The following SKAP1 variants were observed in gnomAD, a reference collection of about 807,000 sequenced individuals.
SKAP1 encodes the protein src kinase associated phosphoprotein 1.
SKAP1 carries 44 observed loss-of-function variants against 58.5 expected under a neutral mutation model. That is an observed-to-expected ratio of 0.75 (90% CI 0.59 to 0.97). The LOEUF is 0.97. Ranked by LOEUF, SKAP1 falls within the 50% of genes least tolerant of loss-of-function variation. The pLI, the probability that SKAP1 is intolerant of heterozygous loss-of-function variation, is 0.00. For synonymous variants in SKAP1, 127 were observed against 149.7 expected, an observed-to-expected ratio of 0.85 and a Z score of 1.11; for missense variants, 390 against 435.2, an observed-to-expected ratio of 0.90 and a Z score of 0.92.
At chr17:48,278,892 C>T (rs1445771978) in intron 4 of SKAP1, among the ~76,000 whole-genome samples, 3 of 152,086 alleles carry the variant, frequency 2.0e-5, no homozygotes, top group African/African-American at 7.2e-5. Flanking sequence ...TCCTATCCTC[C>T]CCTCTTACAC....
chr17:48,351,947 TTC>T (rs1423302058), intron 3 of SKAP1, among the ~76,000 whole-genome samples: 2 of 152,120 alleles, frequency 1.3e-5, no homozygotes, highest in African/African-American at 4.8e-5. Flanking sequence ...AATTGAAAAG[TTC>T]TTTTTTTCTT....
At chr17:48,367,076 T>C (rs2067013446) in intron 2 of SKAP1, among the ~76,000 whole-genome samples, 2 of 152,294 alleles carry the variant, frequency 1.3e-5, no homozygotes, top group South Asian at 4.1e-4. Flanking sequence ...TAACACAGAT[T>C]TTCAGTCCTT....
At chr17:48,282,528 C>A (rs778793373) in intron 4 of SKAP1, among the ~76,000 whole-genome samples, 2 of 152,166 alleles carry the variant, frequency 1.3e-5, no homozygotes, top group Non-Finnish European at 2.9e-5. Flanking sequence ...AATCTCAGCA[C>A]TTTGGGAGGC....
rs570527008 is a variant in SKAP1 at position 48,427,590 on chromosome 17, T to C, written c.46+2485A>G. 4.3e-5 allele frequency among the ~76,000 whole-genome samples: 6 copies of C among 139,218 alleles called. No individual in the cohort carries two copies. In the East Asian group the frequency reaches 9.8e-4, roughly 23 times the overall value. The allele number at this position is 139,218 out of a possible 152,430, so 91.3% of individuals were successfully genotyped here. A position where few individuals can be genotyped will look rare whatever the true frequency, so the allele number is the denominator to read the frequency against. The stretch of plus-strand genomic sequence containing the variant: ...GTTCTCTTCATTATGCAAAATTTTG[T>C]TATCTACCTTTCACAATGCTTTACA... On this transcript the variant is annotated intron_variant, in intron 1 of 12. Coordinates refer to ENST00000336915, the MANE Select transcript of SKAP1 (RefSeq NM_003726.4).
In SKAP1 at chr17:48,367,199, A is replaced by G. The variant is rs188450124; in HGVS notation, c.153-3385T>C. ...AGTATTGCTTCTGCCAATAGTAGTT[A>G]TACCTTAAGAACTCAGCAGTATCAA... On this transcript the variant is annotated intron_variant, in intron 2 of 12. Coordinates refer to ENST00000336915, the MANE Select transcript of SKAP1 (RefSeq NM_003726.4). 4.9e-4 allele frequency among the ~76,000 whole-genome samples: 74 copies of G among 152,276 alleles called. No individual in the cohort carries two copies. In the East Asian group the frequency reaches 9.3e-3, roughly 19 times the overall value.
At chr17:48,253,829 C>T (rs375860311) in intron 4 of SKAP1, among the ~76,000 whole-genome samples, 1 of 152,202 alleles carries the variant, frequency 6.6e-6, no homozygotes. Flanking sequence ...AACCCCTCAT[C>T]AGAAGGCAGG....
At chr17:48,230,206 G>A (rs1368875845) in intron 4 of SKAP1, among the ~76,000 whole-genome samples, 1 of 152,156 alleles carries the variant, frequency 6.6e-6, no homozygotes, top group African/African-American at 2.4e-5. Flanking sequence ...CAGGAACAAT[G>A]TTCATTAAAT....
At chr17:48,257,600 A>G (rs2065437293) in intron 4 of SKAP1, among the ~76,000 whole-genome samples, 1 of 133,104 alleles carries the variant, frequency 7.5e-6, no homozygotes, top group South Asian at 2.4e-4. Context: ...AGCTTAATAT[A>G]CTCTTTTCTT....
chr17:48,259,337 C>T (rs998129041), intron 4 of SKAP1, among the ~76,000 whole-genome samples: 1 of 152,036 alleles, frequency 6.6e-6, no homozygotes, highest in Admixed American at 6.6e-5. Context: ...TTCTTCTCTA[C>T]ATAATAACAT....
intron 1 of SKAP1, among the ~76,000 whole-genome samples, chr17:48,408,845 G>C (rs1282681925): frequency 1.3e-5 from 2 of 152,108 alleles, no homozygotes; most frequent in Non-Finnish European, 2.9e-5. Context: ...AGAAAATGGT[G>C]CTACTCACAG....
chr17:48,377,417 T>TAA (rs11408713), intron 2 of SKAP1: 5 of 145,180 alleles, frequency 3.4e-5, no homozygotes, highest in Non-Finnish European at 6.1e-5. Flanking sequence ...CTAGAAAAAA[T>TAA]AAAAAAAAAA....
At chr17:48,220,265 A>C (rs1001753944) in intron 4 of SKAP1, among the ~76,000 whole-genome samples, 1 of 152,236 alleles carries the variant, frequency 6.6e-6, no homozygotes, top group Non-Finnish European at 1.5e-5. Flanking sequence ...TCACAACAGC[A>C]TTATTTACAA....
intron 4 of SKAP1, among the ~76,000 whole-genome samples, chr17:48,269,910 C>G (rs550611981): frequency 6.6e-6 from 1 of 151,962 alleles, no homozygotes; most frequent in Admixed American, 6.5e-5. Flanking sequence ...GTCGGGAGTT[C>G]GCGACCTGCC....
chr17:48,294,705 A>G (rs1286185403), intron 4 of SKAP1, among the ~76,000 whole-genome samples: 1 of 152,178 alleles, frequency 6.6e-6, no homozygotes, highest in East Asian at 1.9e-4. Context: ...TACATGACCT[A>G]TATAGTATAG....
At chr17:48,359,221 T>C (rs1213426387) in intron 3 of SKAP1, among the ~76,000 whole-genome samples, 1 of 152,156 alleles carries the variant, frequency 6.6e-6, no homozygotes, top group Non-Finnish European at 1.5e-5. Flanking sequence ...TCAACAAGTG[T>C]CAACTTATGG....
chr17:48,398,092 CT>C (rs11350034), intron 1 of SKAP1, among the ~76,000 whole-genome samples: 76,940 of 151,984 alleles, frequency 0.51, 20,286 homozygotes, highest in African/African-American at 0.63. Context: ...ACACAGGAAC[CT>C]TTATTTCCTC....
At chr17:48,143,047 G>T (rs548497605) in intron 11 of SKAP1, among the ~76,000 whole-genome samples, 6 of 150,692 alleles carry the variant, frequency 4.0e-5, no homozygotes, top group African/African-American at 1.2e-4. Context: ...GAACTCCTGG[G>T]TTCAAGCAAT....
chr17:48,259,193 G>C (rs993650242), intron 4 of SKAP1, among the ~76,000 whole-genome samples: 1 of 151,966 alleles, frequency 6.6e-6, no homozygotes. Flanking sequence ...GCAGAACAAT[G>C]TCAAATCTTT....
intron 1 of SKAP1, among the ~76,000 whole-genome samples, chr17:48,409,139 C>T (rs2067628965): frequency 6.6e-6 from 1 of 152,202 alleles, no homozygotes; most frequent in African/African-American, 2.4e-5. Flanking sequence ...AGGTTACACA[C>T]CTAGCAAGTG....
Sources: allele counts gnomAD v4.1 joint callset (sites outside exome capture counted in the v4.1 genomes callset), GRCh38; gene constraint gnomAD v4.1.1; transcripts MANE v1.5; gene names NCBI Gene and HGNC (gene_info 2026-07-23, HGNC 2026-07-21).